ZNF385B: variants seen among roughly 807,000 people sequenced by gnomAD.
ZNF385B encodes the protein zinc finger protein 385B.
Under a neutral mutation model 39.2 loss-of-function variants are expected in ZNF385B, and 23 were observed. The observed-to-expected ratio is 0.59, with a 90% CI of 0.42 to 0.83. The LOEUF (loss-of-function observed/expected upper bound fraction) is 0.83. ZNF385B is among the 40% of genes least tolerant of loss of function. The pLI, the probability that ZNF385B is intolerant of heterozygous loss-of-function variation, is 0.00. For missense variants in ZNF385B, 552 were observed against 598.9 expected (o/e 0.92, Z 0.82); for synonymous variants, 205 against 222.6 (o/e 0.92, Z 0.70).
At chr2:179,586,446 C>T (rs1191576643) in intron 3 of ZNF385B, among the ~76,000 whole-genome samples, 1 of 152,134 alleles carries the variant, frequency 6.6e-6, no homozygotes, top group Non-Finnish European at 1.5e-5. Flanking sequence ...TAGTCTAAGC[C>T]TCTATTATTA....
At chr2:179,733,103 T>C (rs1043948523) in intron 3 of ZNF385B, among the ~76,000 whole-genome samples, 5 of 152,198 alleles carry the variant, frequency 3.3e-5, no homozygotes, top group African/African-American at 9.6e-5. Flanking sequence ...CCAGCAAGTA[T>C]GGAAGGTAAA....
chr2:179,741,228 T>C lies in ZNF385B; in HGVS notation c.298+28275A>G, dbSNP rs73973716. Among the ~76,000 whole-genome samples, 335 of 152,284 alleles carry C rather than the reference T, an allele frequency of 2.2e-3. 4 individuals are homozygous for C. Among genetic ancestry groups the C allele is most frequent in the African/African-American group, 7.7e-3 (320 of 41,564 alleles). ...TTAAGAAATTACTCCAAATATGTTG[T>C]CCATATTATTTGTTAATCAACTGCA... On this transcript the variant is annotated intron_variant, in intron 3 of 9. Transcript: ENST00000410066.
chr2:179,496,357 G>C (rs1049418190), intron 5 of ZNF385B, among the ~76,000 whole-genome samples: 4 of 152,154 alleles, frequency 2.6e-5, no homozygotes, highest in Admixed American at 2.6e-4. Context: ...ACATAGCCTC[G>C]AAAGGGCAAA....
At chr2:179,665,364 AG>A (rs1349940874) in intron 3 of ZNF385B, among the ~76,000 whole-genome samples, 2 of 152,212 alleles carry the variant, frequency 1.3e-5, no homozygotes, top group Admixed American at 6.5e-5. Flanking sequence ...GCTTTCAGAG[AG>A]GTGATGACGA....
intron 3 of ZNF385B, among the ~76,000 whole-genome samples, chr2:179,729,413 G>T (rs1366150943): frequency 6.6e-6 from 1 of 152,158 alleles, no homozygotes; most frequent in Non-Finnish European, 1.5e-5. Flanking sequence ...AACAGAATTT[G>T]TAAACAGATG....
intron 1 of ZNF385B, among the ~76,000 whole-genome samples, chr2:179,818,886 T>C (rs951789179): frequency 2.6e-5 from 4 of 152,144 alleles, no homozygotes; most frequent in Non-Finnish European, 5.9e-5. Context: ...GGGGAGCTGC[T>C]CTTCCCCAGA....
At chr2:179,653,739 C>T (rs1693438391) in intron 3 of ZNF385B, among the ~76,000 whole-genome samples, 1 of 152,102 alleles carries the variant, frequency 6.6e-6, no homozygotes, top group Non-Finnish European at 1.5e-5. Flanking sequence ...CCCTAAAAGG[C>T]CTGAGACAGT....
At chr2:179,796,923 G>T (rs1705699477) in intron 1 of ZNF385B, among the ~76,000 whole-genome samples, 1 of 152,064 alleles carries the variant, frequency 6.6e-6, no homozygotes, top group African/African-American at 2.4e-5. Flanking sequence ...GAAGACAGTA[G>T]AATTTCTTCA....
intron 1 of ZNF385B, among the ~76,000 whole-genome samples, chr2:179,807,926 G>GAAAGAAAGAAAC (rs1299173487): frequency 6.7e-6 from 1 of 149,458 alleles, no homozygotes. Flanking sequence ...AAGAAAGAAA[G>GAAAGAAAGAAAC]AAAGAAGGAA....
chr2:179,620,021 G>A (rs1235323730), intron 3 of ZNF385B, among the ~76,000 whole-genome samples: 1 of 152,146 alleles, frequency 6.6e-6, no homozygotes, highest in Non-Finnish European at 1.5e-5. Context: ...GAGTAACTCT[G>A]TGGTTTAAAT....
At chr2:179,490,902 T>C (rs927410839) in intron 5 of ZNF385B, among the ~76,000 whole-genome samples, 1 of 152,192 alleles carries the variant, frequency 6.6e-6, no homozygotes, top group Non-Finnish European at 1.5e-5. Flanking sequence ...TTTCCATTTG[T>C]TCAATTCTGT....
rs549681708 is a variant in ZNF385B at position 179,776,525 on chromosome 2, G to T, written c.-154-5853C>A. Reference sequence around the variant, plus strand: ...GAATTATCCTCTTGTATAACATCCCGCACCTTTTAAAAAAATCTTCAAACC... The same window carrying T: ...GAATTATCCTCTTGTATAACATCCCTCACCTTTTAAAAAAATCTTCAAACC... On this transcript the variant is annotated intron_variant, in intron 1 of 9. Transcript: ENST00000410066. 2.0e-5 allele frequency among the ~76,000 whole-genome samples: 3 copies of T among 152,062 alleles called. No individual in the cohort carries two copies. In the East Asian group the frequency reaches 5.8e-4, roughly 29 times the overall value.
intron 5 of ZNF385B, among the ~76,000 whole-genome samples, chr2:179,500,394 C>T (rs1333058111): frequency 6.6e-6 from 1 of 152,002 alleles, no homozygotes; most frequent in Admixed American, 6.6e-5. Context: ...GGCATACAAG[C>T]AGATATATAG....
chr2:179,493,781 A>ATGTATATG (rs1491404646), intron 5 of ZNF385B, among the ~76,000 whole-genome samples: 1 of 91,804 alleles, frequency 1.1e-5, no homozygotes, highest in African/African-American at 3.9e-5. Context: ...ATATGTATAT[A>ATGTATATG]CACATATGTA....
chr2:179,737,664 G>C (rs901651507), intron 3 of ZNF385B, among the ~76,000 whole-genome samples: 2 of 152,080 alleles, frequency 1.3e-5, no homozygotes, highest in Non-Finnish European at 1.5e-5. Flanking sequence ...GCTTTTACTA[G>C]GATAATTTCT....
chr2:179,497,617 A>G (rs578037459), intron 5 of ZNF385B, among the ~76,000 whole-genome samples: 61 of 152,166 alleles, frequency 4.0e-4, no homozygotes, highest in African/African-American at 1.4e-3. Flanking sequence ...AATTGACTTC[A>G]CTAGAGGAAC....
chr2:179,738,579 G>A lies in ZNF385B; in HGVS notation c.298+30924C>T, dbSNP rs544467486. Among the ~76,000 whole-genome samples the A allele has an allele frequency of 3.3e-5, 5 of 152,186 alleles. No homozygotes were observed. The East Asian group carries it at 9.7e-4, about 29-fold the overall frequency. On this transcript the variant is annotated intron_variant, in intron 3 of 9. Coordinates refer to ENST00000410066, the MANE Select transcript of ZNF385B (RefSeq NM_152520.6). ...TTTTTCACTACTTCCTCCACTTACT[G>A]TTAGTTGAAACTGATCATGTTGGAG...
At chr2:179,531,769 C>T (rs1449443100) in intron 4 of ZNF385B, among the ~76,000 whole-genome samples, 1 of 152,196 alleles carries the variant, frequency 6.6e-6, no homozygotes, top group Non-Finnish European at 1.5e-5. Context: ...TCTACTGCTT[C>T]TCCTCCTCAC....
chr2:179,735,706 A>G (rs994849186), intron 3 of ZNF385B, among the ~76,000 whole-genome samples: 18 of 151,294 alleles, frequency 1.2e-4, no homozygotes, highest in Admixed American at 1.1e-3. Flanking sequence ...GCAGCCATAA[A>G]AAATGATGAG....
Sources: gnomAD v4.1 joint callset for allele counts (sites outside exome capture counted in the v4.1 genomes callset) on GRCh38, gnomAD v4.1.1 for gene constraint, MANE v1.5 for transcripts, NCBI Gene and HGNC (gene_info 2026-07-23, HGNC 2026-07-21) for gene names.